Variants in EEF1E1 observed in about 807,000 individuals in gnomAD.
EEF1E1 encodes eukaryotic translation elongation factor 1 epsilon 1, also known as eukaryotic translation elongation factor 1 epsilon-1.
Under a neutral mutation model 19.9 loss-of-function variants are expected in EEF1E1, and 19 were observed. The ratio of observed to expected loss-of-function variants is 0.95; its 90% CI spans 0.66 to 1.40. EEF1E1 has a LOEUF of 1.40. Among genes scored for constraint, EEF1E1 ranks in the 40% most tolerant of loss-of-function variants. The pLI is 0.00. For missense variants in EEF1E1, 198 were observed against 202.2 expected (o/e 0.98, Z 0.13); for synonymous variants, 81 against 80.0 (o/e 1.01, Z -0.07).
intron 1 of EEF1E1, 102 bp from the exon 2 acceptor site, chr6:8,097,569 A>T: frequency 1.1e-6 from 1 of 892,774 alleles, no homozygotes; most frequent in East Asian, 2.7e-5. Context: ...TTTTGAAATA[A>T]TCCTGGATTT....
chr6:8,087,003 T>G (rs1757875880), intron 3 of EEF1E1, among the ~76,000 whole-genome samples: 1 of 152,132 alleles, frequency 6.6e-6, no homozygotes, highest in Non-Finnish European at 1.5e-5. Flanking sequence ...TCAATGTGGT[T>G]TAGGCGCCTG....
intron 2 of EEF1E1, among the ~76,000 whole-genome samples, chr6:8,092,048 G>A (rs1003043200): frequency 3.3e-5 from 5 of 152,194 alleles, no homozygotes; most frequent in Admixed American, 2.0e-4. Context: ...ACAGGCAGCT[G>A]TCTTTTCACT....
At chr6:8,084,951 C>T (rs1301393138) in intron 3 of EEF1E1, among the ~76,000 whole-genome samples, 4 of 152,170 alleles carry the variant, frequency 2.6e-5, no homozygotes, top group East Asian at 3.9e-4. Context: ...GTAAGTTGTG[C>T]CTCATGATCA....
chr6:8,076,998 A>T (rs1400873255), downstream of EEF1E1, among the ~76,000 whole-genome samples: 2 of 52,768 alleles, frequency 3.8e-5, no homozygotes, highest in Non-Finnish European at 8.4e-5. Flanking sequence ...GCTGGAGTGC[A>T]GTGGCAGCGA....
intron 2 of EEF1E1, among the ~76,000 whole-genome samples, chr6:8,093,167 C>T (rs751524265): frequency 1.1e-4 from 16 of 152,012 alleles, no homozygotes; most frequent in Middle Eastern, 6.8e-3. Flanking sequence ...CCACCGTGCC[C>T]GGCCAAGACT....
At chr6:8,102,391 G>T (rs748727221) in intron 1 of EEF1E1, 44 bp downstream of exon 1, 26 of 1,577,872 alleles carry the variant, frequency 1.6e-5, no homozygotes, top group Non-Finnish European at 6.0e-6. Flanking sequence ...GGCAGGCCCC[G>T]CTCCCGTCCA....
At chr6:8,080,909 T>G (rs753976082) in intron 3 of EEF1E1, among the ~76,000 whole-genome samples, 15 of 152,208 alleles carry the variant, frequency 9.9e-5, no homozygotes, top group Non-Finnish European at 2.9e-5. Flanking sequence ...CCCAGCAGCC[T>G]GCTTGTTGGG....
At chr6:8,085,384 C>T (rs1038308698) in intron 3 of EEF1E1, among the ~76,000 whole-genome samples, 7 of 151,994 alleles carry the variant, frequency 4.6e-5, no homozygotes, top group African/African-American at 1.7e-4. Context: ...AACTCCTGGG[C>T]TCAAGCTATC....
At chr6:8,083,477 G>A (rs4960377) in intron 3 of EEF1E1, among the ~76,000 whole-genome samples, 2,756 of 152,268 alleles carry the variant, frequency 0.018, 55 homozygotes, top group Admixed American at 0.051. Context: ...TGTTCACAGG[G>A]ATGACTATCT....
At chr6:8,076,948 T>G (rs1361834051), downstream of EEF1E1, among the ~76,000 whole-genome samples, 6 of 67,748 alleles carry the variant, frequency 8.9e-5, no homozygotes, top group Non-Finnish European at 1.5e-4. Context: ...TTTGTTTTTG[T>G]TTTTTTTTTT....
intron 1 of EEF1E1, chr6:8,102,214 G>A: frequency 3.1e-6 from 2 of 655,542 alleles, no homozygotes; most frequent in Non-Finnish European, 3.8e-6. Context: ...GTGAAGTTCA[G>A]GCCAAGCCCA....
intron 1 of EEF1E1, chr6:8,101,810 G>C (rs938288438): frequency 7.8e-7 from 1 of 1,289,372 alleles, no homozygotes; most frequent in African/African-American, 1.5e-5. Flanking sequence ...CACTTAAACT[G>C]ATAATCCAAG....
chr6:8,102,531 G>C lies in EEF1E1; in HGVS notation c.-10C>G, dbSNP rs762772442. ...CTGCGGCCGCCGCCATCTTCCGGCC[G>C]TAGCTCCTGGCAGACGCGAGACCTG... On this transcript the variant is annotated 5_prime_UTR_variant, in exon 1 of 4. Transcript: ENST00000379715. 1.2e-6 allele frequency: 2 copies of C among 1,609,020 alleles called. No homozygotes were observed. Among genetic ancestry groups the C allele is most frequent in the South Asian group, 2.2e-5 (2 of 91,050 alleles).
At chr6:8,083,787 T>C (rs1014324597) in intron 3 of EEF1E1, among the ~76,000 whole-genome samples, 2 of 152,172 alleles carry the variant, frequency 1.3e-5, no homozygotes, top group Non-Finnish European at 2.9e-5. Context: ...CAAAAATAAA[T>C]AATATTGCCA....
intron 3 of EEF1E1, among the ~76,000 whole-genome samples, chr6:8,088,183 G>A (rs746156041): frequency 1.3e-5 from 2 of 152,126 alleles, no homozygotes; most frequent in Non-Finnish European, 2.9e-5. Flanking sequence ...AGAACATAGT[G>A]AGTATCATGT....
downstream of EEF1E1, among the ~76,000 whole-genome samples, chr6:8,075,319 G>A (rs1757565012): frequency 6.6e-6 from 1 of 152,112 alleles, no homozygotes; most frequent in East Asian, 1.9e-4. Flanking sequence ...TACTCCTGAG[G>A]GCAATGAATT....
intron 2 of EEF1E1, chr6:8,095,312 C>A: frequency 2.8e-6 from 1 of 352,348 alleles, no homozygotes; most frequent in Non-Finnish European, 5.7e-6. Context: ...ACCAGCCTGG[C>A]CAACATGATG....
At chr6:8,093,505 G>A (rs981076191) in intron 2 of EEF1E1, among the ~76,000 whole-genome samples, 2 of 151,762 alleles carry the variant, frequency 1.3e-5, no homozygotes, top group African/African-American at 2.4e-5. Context: ...CTCAACAAAT[G>A]TTAGTGTTTT....
At chr6:8,080,842 T>C (rs759950710) in intron 3 of EEF1E1, among the ~76,000 whole-genome samples, 46 of 152,246 alleles carry the variant, frequency 3.0e-4, no homozygotes, top group Non-Finnish European at 6.3e-4. Context: ...TCTATAATGC[T>C]GACAGGAGTG....
Sources: gnomAD v4.1 joint callset for allele counts (sites outside exome capture counted in the v4.1 genomes callset) on GRCh38, gnomAD v4.1.1 for gene constraint, MANE v1.5 for transcripts, NCBI Gene and HGNC (gene_info 2026-07-23, HGNC 2026-07-21) for gene names.